Variants in ANXA4 observed in about 807,000 individuals in gnomAD.
ANXA4 encodes 35-beta calcimedin.
A neutral mutation model predicts 49.8 loss-of-function variants in ANXA4; 39 were observed. The observed-to-expected ratio is 0.78, with a 90% CI of 0.61 to 1.02. ANXA4 has a LOEUF of 1.02. Ranked by LOEUF, ANXA4 falls within the 50% of genes least tolerant of loss-of-function variation. The probability of loss-of-function intolerance (pLI) is 0.00; values close to 1 mark genes in which losing one functional copy is unlikely to be tolerated. For synonymous variants in ANXA4, 134 were observed against 152.5 expected, an observed-to-expected ratio of 0.88 and a Z score of 0.89; for missense variants, 360 against 410.1, an observed-to-expected ratio of 0.88 and a Z score of 1.05.
chr2:69,661,017 C>T (rs1676695701), intron 2 of ANXA4, among the ~76,000 whole-genome samples: 1 of 151,902 alleles, frequency 6.6e-6, no homozygotes, highest in African/African-American at 2.4e-5. Context: ...GACATACAGA[C>T]GGACTTAAGA....
upstream of ANXA4, among the ~76,000 whole-genome samples, chr2:69,737,270 A>G (rs1463631118): frequency 6.6e-5 from 10 of 152,126 alleles, no homozygotes. Context: ...TTTTATCACA[A>G]TGTTGCCTTG....
At chr2:69,680,571 GTCTTGT>G (rs1053616941) in intron 2 of ANXA4, among the ~76,000 whole-genome samples, 1 of 152,132 alleles carries the variant, frequency 6.6e-6, no homozygotes, top group Non-Finnish European at 1.5e-5. Flanking sequence ...GGGCATCCTT[GTCTTGT>G]TCCAGTTCTT....
At chr2:69,816,972 C>A (rs1412863237) in intron 9 of ANXA4, 2 of 152,182 alleles carry the variant, frequency 1.3e-5, no homozygotes, top group African/African-American at 4.8e-5. Flanking sequence ...ACAACACATT[C>A]TGAAGTTGTA....
intron 2 of ANXA4, among the ~76,000 whole-genome samples, chr2:69,690,543 CT>C (rs573712245): frequency 7.5e-4 from 114 of 152,210 alleles, no homozygotes; most frequent in African/African-American, 2.5e-3. Flanking sequence ...CCGGCCCAGT[CT>C]TTTCATCTAC....
At chr2:69,696,256 C>T (rs1296460320) in intron 2 of ANXA4, among the ~76,000 whole-genome samples, 1 of 152,166 alleles carries the variant, frequency 6.6e-6, no homozygotes, top group Non-Finnish European at 1.5e-5. Flanking sequence ...CAACACTGCT[C>T]ACAGCACCTT....
intron 5 of ANXA4, among the ~76,000 whole-genome samples, chr2:69,807,225 G>A (rs531836310): frequency 6.6e-6 from 1 of 152,198 alleles, no homozygotes; most frequent in South Asian, 2.1e-4. Flanking sequence ...TACAGCTCTA[G>A]AGACTTTTAG....
chr2:69,816,316 T>C, intron 9 of ANXA4, 122 bp downstream of exon 9: 1 of 718,806 alleles, frequency 1.4e-6, no homozygotes, highest in Non-Finnish European at 2.4e-6. Flanking sequence ...TACCCAAGTG[T>C]CTTAGATTCT....
intron 2 of ANXA4, among the ~76,000 whole-genome samples, chr2:69,670,461 A>G (rs577618264): frequency 8.0e-5 from 12 of 149,706 alleles, no homozygotes; most frequent in Admixed American, 4.6e-4. Context: ...AAAAAAAAAG[A>G]CAAATGAGAC....
At chr2:69,816,245 A>G (rs769280175) in intron 9 of ANXA4, 51 bp downstream of exon 9, 1 of 1,486,688 alleles carries the variant, frequency 6.7e-7, no homozygotes, top group East Asian at 2.3e-5. Flanking sequence ...GATAGCAAAA[A>G]CTATATTGCC....
At chr2:69,788,177 C>T (rs752006836) in intron 3 of ANXA4, 36 bp downstream of exon 3, 79 of 1,560,744 alleles carry the variant, frequency 5.1e-5, no homozygotes, top group Non-Finnish European at 6.9e-5. Flanking sequence ...CTCCTGCGTG[C>T]ATTGCACATC....
At chr2:69,683,374 G>A (rs1337890644) in intron 2 of ANXA4, among the ~76,000 whole-genome samples, 1 of 152,128 alleles carries the variant, frequency 6.6e-6, no homozygotes, top group African/African-American at 2.4e-5. Context: ...TGTTCTAATT[G>A]AGTGATGTTT....
chr2:69,781,653 TAAAC>T (rs1385686315), intron 2 of ANXA4, 79 bp downstream of exon 2: 1 of 1,517,160 alleles, frequency 6.6e-7, no homozygotes, highest in Non-Finnish European at 9.1e-7. Flanking sequence ...ACTGTTAGCT[TAAAC>T]AAAGCATTGT....
intron 2 of ANXA4, among the ~76,000 whole-genome samples, chr2:69,669,220 C>T (rs2105337820): frequency 6.6e-6 from 1 of 151,632 alleles, no homozygotes; most frequent in East Asian, 2.0e-4. Flanking sequence ...ACTGGGATTA[C>T]AGGCCTAAGC....
chr2:69,759,042 A>C (rs1184727711), intron 1 of ANXA4, among the ~76,000 whole-genome samples: 2 of 151,732 alleles, frequency 1.3e-5, no homozygotes, highest in African/African-American at 4.8e-5. Flanking sequence ...AGGCTGGGGC[A>C]AGAGAATCCC....
chr2:69,681,680 T>A (rs2105358183), intron 2 of ANXA4, among the ~76,000 whole-genome samples: 1 of 152,320 alleles, frequency 6.6e-6, no homozygotes, highest in Admixed American at 6.5e-5. Context: ...TCTTGGTTAG[T>A]CTAGCTAGCG....
chr2:69,685,832 G>A (rs563725235), intron 2 of ANXA4, among the ~76,000 whole-genome samples: 100 of 152,180 alleles, frequency 6.6e-4, no homozygotes, highest in Non-Finnish European at 1.2e-3. Flanking sequence ...AACTGGCCCT[G>A]GGTTGGGGGC....
intron 3 of ANXA4, among the ~76,000 whole-genome samples, chr2:69,802,462 C>G (rs895923455): frequency 2.6e-5 from 4 of 152,164 alleles, no homozygotes; most frequent in African/African-American, 9.7e-5. Flanking sequence ...CCTGTAATCC[C>G]AGCACTTTGG....
chr2:69,700,995 C>A (rs1559091466), intron 2 of ANXA4, among the ~76,000 whole-genome samples: 1 of 152,142 alleles, frequency 6.6e-6, no homozygotes, highest in Non-Finnish European at 1.5e-5. Context: ...GCCTCAGCCT[C>A]CTGAGTAGCT....
intron 2 of ANXA4, among the ~76,000 whole-genome samples, chr2:69,706,399 C>T (rs1236395217): frequency 7.3e-6 from 1 of 137,642 alleles, no homozygotes; most frequent in Non-Finnish European, 1.5e-5. Flanking sequence ...CTCCCGGGTT[C>T]AAGCGATTCT....
Sources: allele counts gnomAD v4.1 joint callset (sites outside exome capture counted in the v4.1 genomes callset), GRCh38; gene constraint gnomAD v4.1.1; transcripts MANE v1.5; gene names NCBI Gene and HGNC (gene_info 2026-07-23, HGNC 2026-07-21).